The following RFC1 variants were observed in gnomAD, a reference collection of about 807,000 sequenced individuals.
RFC1 encodes the protein A1 140 kDa subunit.
RFC1 carries 37 observed loss-of-function variants against 137.4 expected under a neutral mutation model. The observed-to-expected ratio is 0.27, with a 90% CI of 0.21 to 0.35. RFC1 has a LOEUF of 0.35. Among genes scored for constraint, RFC1 ranks in the 10% least tolerant of loss-of-function variants. The pLI, the probability that RFC1 is intolerant of heterozygous loss-of-function variation, is 1.00. For missense variants in RFC1, 1,205 were observed against 1,358.5 expected, an observed-to-expected ratio of 0.89 and a Z score of 1.78; for synonymous variants, 429 against 455.7, an observed-to-expected ratio of 0.94 and a Z score of 0.75.
At position 39,351,470 on chromosome 4, in the gene RFC1, G is replaced by C; in HGVS notation, c.10C>G (p.Arg4Gly). 1 of 1,547,816 alleles carries C rather than the reference G, an allele frequency of 6.5e-7. No individual in the cohort carries two copies. Among genetic ancestry groups the C allele is most frequent in the Non-Finnish European group, 8.7e-7 (1 of 1,151,822 alleles). Residue 4 changes from arginine to glycine, a missense_variant, in exon 2 of 25, where the codon CGG (arginine) becomes GGG (glycine). Coordinates refer to ENST00000349703, the MANE Select transcript of RFC1 (RefSeq NM_002913.5). Reference sequence around the variant, plus strand: ...CTTGGTATTACTCCAAAGAATTTCCGAATGTCCTAAAAGCAAAAAACAGGA... The same window carrying C: ...CTTGGTATTACTCCAAAGAATTTCCCAATGTCCTAAAAGCAAAAAACAGGA... The part of the protein sequence containing the change: MDI[R>G]KFFGVIPSGK...
chr4:39,348,306 C>T (rs965418616), intron 2 of RFC1, among the ~76,000 whole-genome samples: 2 of 150,004 alleles, frequency 1.3e-5, no homozygotes, highest in Admixed American at 1.3e-4. Flanking sequence ...GACTATAGTC[C>T]CAGCTACTCA....
chr4:39,315,125 A>G (rs1739174026), intron 10 of RFC1, among the ~76,000 whole-genome samples: 1 of 151,782 alleles, frequency 6.6e-6, no homozygotes. Flanking sequence ...GTCTCCTCAC[A>G]CTCACTCTTC....
chr4:39,288,134 T>G lies in RFC1; in HGVS notation c.*627A>C, dbSNP rs1737472734. On this transcript the variant is annotated 3_prime_UTR_variant, in exon 25 of 25. Transcript: ENST00000349703. Reference sequence around the variant, plus strand: ...CAGTGAGCTTTTTTAATCCAATCATTTGCAAATTAATAAGGAAGTAATATA... The same window carrying G: ...CAGTGAGCTTTTTTAATCCAATCATGTGCAAATTAATAAGGAAGTAATATA... The G allele has an allele frequency of 6.6e-6, 1 of 152,164 alleles. No homozygotes were observed. The highest frequency in any genetic ancestry group is 2.4e-5 in the African/African-American group (1 of 41,430). The allele number at this position is 152,164 out of a possible 1,614,324, so 9.4% of individuals were successfully genotyped here. A position where few individuals can be genotyped will look rare whatever the true frequency, so the allele number is the denominator to read the frequency against.
At chr4:39,344,390 T>C (rs1037498162) in intron 3 of RFC1, among the ~76,000 whole-genome samples, 1 of 152,214 alleles carries the variant, frequency 6.6e-6, no homozygotes. Flanking sequence ...AGATCTTTGC[T>C]TTAAAAACAG....
intron 4 of RFC1, among the ~76,000 whole-genome samples, chr4:39,339,393 C>A (rs939720700): frequency 1.3e-5 from 2 of 152,156 alleles, no homozygotes; most frequent in African/African-American, 4.8e-5. Flanking sequence ...TCTGCACACC[C>A]TGAATAACGT....
chr4:39,291,180 T>C (rs1483734358), intron 23 of RFC1, among the ~76,000 whole-genome samples: 2 of 152,188 alleles, frequency 1.3e-5, no homozygotes, highest in Non-Finnish European at 2.9e-5. Context: ...AAAGTGGGGA[T>C]ACATTATTAC....
At chr4:39,295,554 T>C (rs1453223574) in intron 22 of RFC1, 60 bp downstream of exon 22, 5 of 1,424,084 alleles carry the variant, frequency 3.5e-6, no homozygotes, top group African/African-American at 2.8e-5. Flanking sequence ...TGATCATTAC[T>C]GGATAAAGGC....
At position 39,326,864 on chromosome 4, in the gene RFC1, T is replaced by C. The variant is rs17334902; in HGVS notation, c.565-224A>G. On this transcript the variant is annotated intron_variant, in intron 5 of 24. Coordinates refer to ENST00000349703, the MANE Select transcript of RFC1 (RefSeq NM_002913.5). ...GACAGACCTGTCTCACTTAGTTCTA[T>C]TGATATGTTCAAGAGAAGTACCAAA... 3.3e-3 allele frequency among the ~76,000 whole-genome samples: 508 copies of C among 152,286 alleles called. 3 individuals are homozygous for C. The highest frequency in any genetic ancestry group is 0.012 in the South Asian group (58 of 4,826).
chr4:39,349,304 T>G (rs1290608709), intron 2 of RFC1, among the ~76,000 whole-genome samples: 1 of 152,214 alleles, frequency 6.6e-6, no homozygotes, highest in Non-Finnish European at 1.5e-5. Flanking sequence ...GTTGAAGCCC[T>G]AACCCTCAGG....
intron 9 of RFC1, among the ~76,000 whole-genome samples, chr4:39,320,025 T>C (rs1031471122): frequency 1.3e-5 from 2 of 152,112 alleles, no homozygotes; most frequent in Non-Finnish European, 2.9e-5. Context: ...GGCAAAACCA[T>C]GGATAAGGGG....
At chr4:39,347,802 T>C (rs190470433) in intron 2 of RFC1, among the ~76,000 whole-genome samples, 15 of 152,300 alleles carry the variant, frequency 9.8e-5, no homozygotes, top group Admixed American at 9.8e-4. Flanking sequence ...ATATGAATGT[T>C]AAAGGCCAAC....
chr4:39,326,739 A>G (rs1739788135), intron 5 of RFC1, 99 bp from the exon 6 acceptor site: 4 of 873,278 alleles, frequency 4.6e-6, no homozygotes, highest in South Asian at 4.5e-5. Flanking sequence ...CCAGTGAGAG[A>G]TAAGTGTATC....
At chr4:39,294,906 A>C (rs566428192) in intron 22 of RFC1, among the ~76,000 whole-genome samples, 1 of 152,110 alleles carries the variant, frequency 6.6e-6, no homozygotes, top group Admixed American at 6.5e-5. Context: ...CAGGAGGCTG[A>C]GGTGGGAGAA....
chr4:39,321,536 A>AG (rs1739522452), intron 7 of RFC1, 162 bp from the exon 8 acceptor site: 1 of 585,410 alleles, frequency 1.7e-6, no homozygotes, highest in Non-Finnish European at 3.0e-6. Context: ...AAGGCAAATG[A>AG]GGCATATTTT....
At chr4:39,290,348 G>A (rs1737601546) in intron 23 of RFC1, among the ~76,000 whole-genome samples, 1 of 148,384 alleles carries the variant, frequency 6.7e-6, no homozygotes, top group Non-Finnish European at 1.5e-5. Context: ...ACTCCAGGCT[G>A]GGTAACAGAG....
intron 4 of RFC1, among the ~76,000 whole-genome samples, chr4:39,337,588 G>A (rs1196188553): frequency 6.6e-6 from 1 of 151,674 alleles, no homozygotes; most frequent in Non-Finnish European, 1.5e-5. Flanking sequence ...TTTTTAACAA[G>A]TATAATCAAA....
intron 14 of RFC1, among the ~76,000 whole-genome samples, chr4:39,305,387 A>C (rs1378866581): frequency 6.6e-6 from 1 of 152,174 alleles, no homozygotes; most frequent in Non-Finnish European, 1.5e-5. Flanking sequence ...TGGATGGATT[A>C]ATTGAGGTCA....
intron 4 of RFC1, among the ~76,000 whole-genome samples, chr4:39,336,749 C>T (rs570282908): frequency 6.6e-6 from 1 of 152,272 alleles, no homozygotes; most frequent in South Asian, 2.1e-4. Flanking sequence ...GGTTGAGAAA[C>T]ACTGATTTAT....
In RFC1 at chr4:39,311,527, A is replaced by C. The variant is rs371180655; in HGVS notation, c.1406T>G (p.Ile469Ser). ...SDKAAALGTK[I>S]IDEDGLLNLI... ...ATTCAACAGGCCATCTTCATCAATA[A>C]TTTTTGTCCCCAAGGCTGCGGCCTG... The change falls in exon 12 of 25, where the codon ATT (isoleucine) becomes AGT (serine). Residue 469 changes from isoleucine (I) to serine (S), a missense_variant. Physicochemically the swap from Ile to Ser is moderately radical, Grantham distance 142. This residue lies in a region of RFC1 where 962 missense variants were observed against 1,035.3 expected (regional missense o/e 0.93). Transcript: ENST00000349703. 6.2e-7 allele frequency: 1 copy of C among 1,614,026 alleles called. No individual in the cohort carries two copies.
Sources: allele counts gnomAD v4.1 joint callset (sites outside exome capture counted in the v4.1 genomes callset), GRCh38; gene constraint gnomAD v4.1.1; regional missense constraint gnomAD v4.1.1; transcripts MANE v1.5; gene names NCBI Gene and HGNC (gene_info 2026-07-23, HGNC 2026-07-21).